CYP3A4: variants seen among roughly 807,000 people sequenced by gnomAD.
CYP3A4 encodes cytochrome P450 3A4.
CYP3A4 carries 41 observed loss-of-function variants against 54.9 expected under a neutral mutation model. The ratio of observed to expected loss-of-function variants is 0.75; its 90% CI spans 0.58 to 0.97. CYP3A4 has a LOEUF of 0.97. Ranked by LOEUF, CYP3A4 falls within the 50% of genes least tolerant of loss-of-function variation. CYP3A4 has a pLI of 0.00. For missense variants in CYP3A4, 510 were observed against 597.3 expected (o/e 0.85, Z 1.52); for synonymous variants, 179 against 205.2 (o/e 0.87, Z 1.09).
At chr7:99,772,822 C>T in intron 3 of CYP3A4, 133 bp from the exon 4 acceptor site, 2 of 904,236 alleles carry the variant, frequency 2.2e-6, no homozygotes, top group Non-Finnish European at 3.4e-6. Context: ...ATCTTAGGTT[C>T]TAGTTCATTA....
intron 6 of CYP3A4, chr7:99,769,473 A>G: frequency 7.5e-6 from 3 of 398,878 alleles, no homozygotes; most frequent in Non-Finnish European, 9.5e-6. Context: ...ACTTTGGTAC[A>G]ATCACACTTT....
At chr7:99,769,675 T>C in intron 6 of CYP3A4, 93 bp downstream of exon 6, 1 of 1,503,156 alleles carries the variant, frequency 6.7e-7, no homozygotes, top group Middle Eastern at 1.9e-4. Flanking sequence ...GTCTGGTCAC[T>C]GGAATAACCC....
chr7:99,769,568 G>A lies in CYP3A4; in HGVS notation c.521+200C>T, dbSNP rs1815573004. On this transcript the variant is annotated intron_variant, in intron 6 of 12. Coordinates refer to ENST00000651514, the MANE Select transcript of CYP3A4 (RefSeq NM_017460.6). ...TGTAAACCCTGGCCCCTGTGCACAG[G>A]GGAGAAGATCCTTTTCCTCCAGCTG... is the stretch of plus-strand genomic sequence containing the variant. 3.2e-5 allele frequency: 19 copies of A among 601,710 alleles called. No individual in the cohort carries two copies. In the South Asian group the frequency reaches 3.7e-4, roughly 12 times the overall value. 37.3% of individuals were successfully genotyped at this position (601,710 alleles called of 1,614,324 possible). A position where few individuals can be genotyped will look rare whatever the true frequency, so the allele number is the denominator to read the frequency against.
chr7:99,779,883 A>G, intron 2 of CYP3A4, 109 bp downstream of exon 2: 3 of 1,020,398 alleles, frequency 2.9e-6, no homozygotes, highest in Non-Finnish European at 4.4e-6. Context: ...ACTGTTTCTG[A>G]AAGTGTAAAA....
At chr7:99,767,085 A>G (rs749810355) in intron 8 of CYP3A4, 46 bp downstream of exon 8, 5 of 1,581,506 alleles carry the variant, frequency 3.2e-6, no homozygotes, top group Non-Finnish European at 3.4e-6. Context: ...TATCTAAAAA[A>G]TTATGAAAAA....
intron 9 of CYP3A4, among the ~76,000 whole-genome samples, chr7:99,764,422 CA>C (rs550236723): frequency 2.4e-4 from 37 of 152,228 alleles, no homozygotes; most frequent in Admixed American, 1.4e-3. Context: ...ATTTTAGCTA[CA>C]ATATATCTTG....
At chr7:99,758,276 TAGAA>T in intron 12 of CYP3A4, 48 bp from the exon 13 acceptor site, 2 of 1,584,326 alleles carry the variant, frequency 1.3e-6, no homozygotes, top group Non-Finnish European at 1.7e-6. Context: ...TAAACAAAAG[TAGAA>T]AGTATAGCAT....
At chr7:99,762,008 T>G (rs2151554283) in intron 11 of CYP3A4, 33 bp downstream of exon 11, 1 of 1,601,094 alleles carries the variant, frequency 6.2e-7, no homozygotes, top group East Asian at 2.2e-5. Flanking sequence ...CCAGGCTGGT[T>G]CAGGGAGGGC....
intron 1 of CYP3A4, among the ~76,000 whole-genome samples, chr7:99,782,211 A>C (rs1394102907): frequency 6.6e-6 from 1 of 152,340 alleles, no homozygotes; most frequent in East Asian, 1.9e-4. Flanking sequence ...TATTGAGTTA[A>C]TGTGTCAGCA....
rs67666821 is a variant in CYP3A4 at position 99,758,183 on chromosome 7, GT to G, written c.1461del (p.Lys487AsnfsTer5). ...LSLGGLLQPE[K>X]PVVLKVESRD... ...CTTGACTCAACCTTTAGAACAACGG[GT>G]TTTTCTGGTTGAAGAAGTCCTCCTA... On this transcript the variant is annotated frameshift_variant, in exon 13 of 13. Transcript: ENST00000651514. LOFTEE classifies it high-confidence loss of function. 1.5e-5 allele frequency: 24 copies of G among 1,613,872 alleles called. No individual in the cohort carries two copies. Among genetic ancestry groups the G allele is most frequent in the Non-Finnish European group, 1.7e-5 (20 of 1,179,932 alleles).
chr7:99,770,781 T>A (rs1815612620), intron 4 of CYP3A4, among the ~76,000 whole-genome samples: 1 of 152,220 alleles, frequency 6.6e-6, no homozygotes, highest in South Asian at 2.1e-4. Flanking sequence ...ATAAACATTC[T>A]TGTCTCTTAA....
At chr7:99,766,276 G>C in intron 9 of CYP3A4, 101 bp downstream of exon 9, 1 of 1,384,638 alleles carries the variant, frequency 7.2e-7, no homozygotes, top group Non-Finnish European at 1.0e-6. Flanking sequence ...TCTGCTATGT[G>C]GCAGAAATTC....
intron 10 of CYP3A4, among the ~76,000 whole-genome samples, chr7:99,763,133 C>G (rs553188382): frequency 6.6e-6 from 1 of 152,158 alleles, no homozygotes; most frequent in Non-Finnish European, 1.5e-5. Flanking sequence ...CTGAGTCAGC[C>G]TGCACAGCAC....
intron 3 of CYP3A4, among the ~76,000 whole-genome samples, chr7:99,777,253 GA>G (rs956493630): frequency 4.4e-4 from 63 of 143,144 alleles, no homozygotes; most frequent in South Asian, 1.1e-3. Flanking sequence ...GGCACCTAAG[GA>G]AAAAAAAAAA....
At chr7:99,774,595 T>A (rs887528600) in intron 3 of CYP3A4, among the ~76,000 whole-genome samples, 10 of 152,050 alleles carry the variant, frequency 6.6e-5, no homozygotes, top group African/African-American at 2.4e-4. Context: ...AAAAACCACA[T>A]AATTACCTCA....
At chr7:99,761,950 C>T in intron 11 of CYP3A4, 91 bp downstream of exon 11, 1 of 1,112,138 alleles carries the variant, frequency 9.0e-7, no homozygotes, top group African/African-American at 1.6e-5. Context: ...AATAATTATA[C>T]AACCACATGA....
At chr7:99,766,967 C>CT (rs1815490824) in intron 8 of CYP3A4, 164 bp downstream of exon 8, 2 of 597,272 alleles carry the variant, frequency 3.3e-6, no homozygotes, top group Non-Finnish European at 5.5e-6. Context: ...CCAAACCCCA[C>CT]TTTCTGCATT....
At chr7:99,783,606 C>CTTT (rs11432957) in intron 1 of CYP3A4, among the ~76,000 whole-genome samples, 1,229 of 103,600 alleles carry the variant, frequency 0.012, 15 homozygotes, top group East Asian at 0.017. Context: ...CCTTGAACAT[C>CTTT]TTTTTTTTTT....
In CYP3A4 at chr7:99,784,159, G is replaced by T; in HGVS notation, c.-78C>A. ...TTGCTCTTTGCTGGGCTATGTGCAT[G>T]GAGCTTTCCTGCCCTGCACAGCAGT... On this transcript the variant is annotated 5_prime_UTR_variant, in exon 1 of 13. Coordinates refer to ENST00000651514, the MANE Select transcript of CYP3A4 (RefSeq NM_017460.6). 3 of 1,348,386 alleles carry T rather than the reference G, an allele frequency of 2.2e-6. No individual in the cohort carries two copies. The highest frequency in any genetic ancestry group is 3.2e-6 in the Non-Finnish European group (3 of 941,158). 83.5% of individuals were successfully genotyped at this position (1,348,386 alleles called of 1,614,324 possible). A position where few individuals can be genotyped will look rare whatever the true frequency, so the allele number is the denominator to read the frequency against.
Sources: allele counts gnomAD v4.1 joint callset (sites outside exome capture counted in the v4.1 genomes callset), GRCh38; gene constraint gnomAD v4.1.1; transcripts MANE v1.5; gene names NCBI Gene and HGNC (gene_info 2026-07-23, HGNC 2026-07-21).